The following SH3KBP1 variants were observed in gnomAD, a reference collection of about 807,000 sequenced individuals.
SH3KBP1 encodes the protein SH3 domain-containing kinase-binding protein 1.
SH3KBP1 carries 8 observed loss-of-function variants against 50.1 expected under a neutral mutation model. That is an observed-to-expected ratio of 0.16 (90% CI 0.09 to 0.29). The LOEUF (loss-of-function observed/expected upper bound fraction) is 0.29. Ranked by LOEUF, SH3KBP1 falls within the 10% of genes least tolerant of loss-of-function variation. The pLI, the probability that SH3KBP1 is intolerant of heterozygous loss-of-function variation, is 1.00. For missense variants in SH3KBP1, 377 were observed against 535.2 expected (o/e 0.70, Z 2.92); for synonymous variants, 227 against 218.6 (o/e 1.04, Z -0.34).
At chrX:19,548,405 C>T (rs1216389456) in intron 14 of SH3KBP1, among the ~76,000 whole-genome samples, 1 of 110,884 alleles carries the variant, frequency 9.0e-6, no homozygotes, top group Non-Finnish European at 1.9e-5. Flanking sequence ...TATAGAGATA[C>T]TAAGAGCCAA....
rs1324195176 is a variant in SH3KBP1 at position 19,825,329 on chromosome X, T to C, written c.162+10796A>G. Among the ~76,000 whole-genome samples the C allele has an allele frequency of 4.0e-4, 45 of 111,990 alleles. No individual in the cohort carries two copies. In the Admixed American group the frequency reaches 4.3e-3, roughly 11 times the overall value. ...GACAGAAATAAGTTAAATACCATGA[T>C]TCCACCTGAATGGACACTTGGGGAA... On this transcript the variant is annotated intron_variant, in intron 2 of 17. Coordinates refer to ENST00000397821, the MANE Select transcript of SH3KBP1 (RefSeq NM_031892.3).
chrX:19,653,763 TACAC>T (rs60424271), intron 6 of SH3KBP1, among the ~76,000 whole-genome samples: 4,268 of 80,099 alleles, frequency 0.053, 115 homozygotes, highest in East Asian at 0.092. Context: ...TATGTCTAAA[TACAC>T]ACACACACAC....
chrX:19,858,345 G>A (rs917088997), intron 1 of SH3KBP1, among the ~76,000 whole-genome samples: 1 of 111,245 alleles, frequency 9.0e-6, no homozygotes, highest in African/African-American at 3.3e-5. Flanking sequence ...ATCTCACCAG[G>A]TGCAGTGGCT....
chrX:19,678,458 G>A (rs2062978256), intron 6 of SH3KBP1, among the ~76,000 whole-genome samples: 1 of 108,569 alleles, frequency 9.2e-6, no homozygotes, highest in Non-Finnish European at 1.9e-5. Flanking sequence ...GGAATACATA[G>A]GCAGCATAGA....
At chrX:19,884,340 T>C (rs890531424) in intron 1 of SH3KBP1, among the ~76,000 whole-genome samples, 2 of 112,723 alleles carry the variant, frequency 1.8e-5, no homozygotes, top group Admixed American at 1.9e-4. Flanking sequence ...GATGGATGGA[T>C]GGATGGATAG....
chrX:19,554,196 TATC>T (rs1323161385), intron 13 of SH3KBP1, among the ~76,000 whole-genome samples: 4 of 78,831 alleles, frequency 5.1e-5, no homozygotes, highest in Admixed American at 3.7e-4. Flanking sequence ...TAATATTATA[TATC>T]ATATTAAAAT....
chrX:19,629,237 C>T (rs1166289226), intron 8 of SH3KBP1, among the ~76,000 whole-genome samples: 1 of 110,329 alleles, frequency 9.1e-6, no homozygotes, highest in Non-Finnish European at 1.9e-5. Context: ...ACGGGGGGTA[C>T]CTGCAGAACA....
At chrX:19,538,307 C>T (rs909417878) in intron 16 of SH3KBP1, among the ~76,000 whole-genome samples, 3 of 111,870 alleles carry the variant, frequency 2.7e-5, no homozygotes, top group African/African-American at 6.5e-5. Context: ...CAAACTCAAG[C>T]GATCCTCCTG....
intron 3 of SH3KBP1, among the ~76,000 whole-genome samples, chrX:19,715,949 A>G (rs2063897986): frequency 9.0e-6 from 1 of 110,723 alleles, no homozygotes; most frequent in South Asian, 3.8e-4. Context: ...GAAGGCAGCA[A>G]CTCCCCAGTT....
chrX:19,559,311 G>A (rs1471101269), intron 13 of SH3KBP1, among the ~76,000 whole-genome samples: 9 of 94,038 alleles, frequency 9.6e-5, no homozygotes, highest in Non-Finnish European at 1.7e-4. Flanking sequence ...TAGATTAAAT[G>A]GAAACAATTT....
intron 1 of SH3KBP1, among the ~76,000 whole-genome samples, chrX:19,842,916 CT>C (rs1334236784): frequency 9.1e-6 from 1 of 110,463 alleles, no homozygotes; most frequent in African/African-American, 3.3e-5. Flanking sequence ...ACCCCAATGC[CT>C]TCTGATAAAT....
intron 6 of SH3KBP1, among the ~76,000 whole-genome samples, chrX:19,682,333 TACACACACACACACAC>T (rs59044973): frequency 0.023 from 1,772 of 75,891 alleles, 45 homozygotes; most frequent in African/African-American, 0.078. Flanking sequence ...ATAAGAGTCA[TACACACACACACACAC>T]ACACACACAC....
chrX:19,645,371 A>G (rs748432331), intron 7 of SH3KBP1, 29 bp downstream of exon 7: 5 of 1,080,608 alleles, frequency 4.6e-6, no homozygotes, highest in Non-Finnish European at 5.1e-6. Context: ...ATGCTTTTAA[A>G]TGTGAAACAG....
intron 1 of SH3KBP1, among the ~76,000 whole-genome samples, chrX:19,837,077 T>C (rs2068080051): frequency 8.9e-6 from 1 of 111,905 alleles, no homozygotes; most frequent in South Asian, 3.7e-4. Context: ...GGTATGTCTT[T>C]ATTAGCAGCA....
At position 19,814,251 on chromosome X, in the gene SH3KBP1, C is replaced by G. The variant is rs187118407; in HGVS notation, c.162+21874G>C. Among the ~76,000 whole-genome samples, 162 of 111,530 alleles carry G rather than the reference C, an allele frequency of 1.5e-3. 1 individual carries two copies. Among genetic ancestry groups the G allele is most frequent in the African/African-American group, 5.1e-3 (156 of 30,709 alleles). Reference sequence around the variant, plus strand: ...CTTCTCACCCTCCCACTGCCACCCCCTGGTCTCCCCTGTATTCCTGCAAAG... The same window carrying G: ...CTTCTCACCCTCCCACTGCCACCCCGTGGTCTCCCCTGTATTCCTGCAAAG... On this transcript the variant is annotated intron_variant, in intron 2 of 17. Transcript: ENST00000397821.
At chrX:19,686,753 C>T (rs765069989) in intron 5 of SH3KBP1, among the ~76,000 whole-genome samples, 1 of 111,063 alleles carries the variant, frequency 9.0e-6, no homozygotes, top group Admixed American at 9.5e-5. Context: ...CATGTTTCAA[C>T]GTTCTCTCTC....
At chrX:19,740,627 A>C (rs1773591349) in intron 3 of SH3KBP1, 1 of 162,507 alleles carries the variant, frequency 6.2e-6, no homozygotes, top group African/African-American at 3.1e-5. Flanking sequence ...ATTCACATTT[A>C]TTTCTCCAAT....
intron 3 of SH3KBP1, among the ~76,000 whole-genome samples, chrX:19,722,637 C>T (rs757689825): frequency 5.8e-5 from 6 of 103,865 alleles, no homozygotes; most frequent in African/African-American, 2.1e-4. Flanking sequence ...GCCTGCCGGG[C>T]TGCAAGCACA....
At chrX:19,614,469 G>C (rs1216177446) in intron 8 of SH3KBP1, among the ~76,000 whole-genome samples, 1 of 112,159 alleles carries the variant, frequency 8.9e-6, no homozygotes, top group Non-Finnish European at 1.9e-5. Context: ...CCATGTACTA[G>C]ATGAGTGGCT....
Sources: allele counts gnomAD v4.1 joint callset (sites outside exome capture counted in the v4.1 genomes callset), GRCh38; gene constraint gnomAD v4.1.1; transcripts MANE v1.5; gene names NCBI Gene and HGNC (gene_info 2026-07-23, HGNC 2026-07-21).